The following SPAG16 variants were observed in gnomAD, a reference collection of about 807,000 sequenced individuals.
SPAG16 encodes sperm associated antigen 16.
A neutral mutation model predicts 80.4 loss-of-function variants in SPAG16; 86 were observed. The observed-to-expected ratio is 1.07, with a 90% confidence interval of 0.90 to 1.28. The LOEUF (loss-of-function observed/expected upper bound fraction) is 1.28, where lower values mean the gene tolerates loss of function less well. SPAG16 is among the 50% of genes most tolerant of loss of function. The pLI is 0.00. For synonymous variants in SPAG16, 294 were observed against 265.9 expected, an observed-to-expected ratio of 1.11 and a Z score of -1.03; for missense variants, 870 against 765.3, an observed-to-expected ratio of 1.14 and a Z score of -1.61.
intron 10 of SPAG16, among the ~76,000 whole-genome samples, chr2:213,587,055 C>T (rs1418192074): frequency 6.6e-6 from 1 of 152,138 alleles, no homozygotes; most frequent in Non-Finnish European, 1.5e-5. Context: ...TCTTAGCGCT[C>T]ATGGCTTTTC....
At chr2:214,296,542 C>T (rs1488839321) in intron 15 of SPAG16, among the ~76,000 whole-genome samples, 2 of 152,184 alleles carry the variant, frequency 1.3e-5, no homozygotes, top group African/African-American at 4.8e-5. Flanking sequence ...CACATCCACA[C>T]CAACATCTGT....
intron 15 of SPAG16, among the ~76,000 whole-genome samples, chr2:214,335,155 T>C (rs1359184814): frequency 1.3e-5 from 2 of 152,172 alleles, no homozygotes. Flanking sequence ...ATCAAGAATG[T>C]GACCAGGTCC....
At chr2:213,500,828 C>T (rs111389195) in intron 10 of SPAG16, among the ~76,000 whole-genome samples, 3,071 of 152,266 alleles carry the variant, frequency 0.02, 44 homozygotes, top group Middle Eastern at 0.051. Flanking sequence ...AAAAGGTGCC[C>T]GAGCAAGGAC....
chr2:214,130,211 G>GT (rs1358126404), intron 14 of SPAG16, among the ~76,000 whole-genome samples: 22 of 152,186 alleles, frequency 1.4e-4, no homozygotes, highest in African/African-American at 5.3e-4. Flanking sequence ...CTAGCAGCCG[G>GT]TGTGAGAGTT....
chr2:214,249,003 A>G (rs540882538), intron 15 of SPAG16, among the ~76,000 whole-genome samples: 27 of 152,154 alleles, frequency 1.8e-4, no homozygotes, highest in Admixed American at 1.3e-3. Context: ...CTAGTATGGC[A>G]GAGAAAGCAT....
chr2:214,319,429 A>T (rs1173964980), intron 15 of SPAG16, among the ~76,000 whole-genome samples: 1 of 151,880 alleles, frequency 6.6e-6, no homozygotes, highest in African/African-American at 2.4e-5. Context: ...AAGAGAAGAG[A>T]CTAGGGCAGA....
chr2:214,406,074 A>C (rs1342020338), intron 15 of SPAG16, among the ~76,000 whole-genome samples: 1 of 152,220 alleles, frequency 6.6e-6, no homozygotes, highest in Admixed American at 6.5e-5. Context: ...CAACAAGCAC[A>C]TATTAAGTAC....
intron 11 of SPAG16, among the ~76,000 whole-genome samples, chr2:213,869,796 C>T (rs905714163): frequency 2.0e-5 from 3 of 152,038 alleles, no homozygotes; most frequent in African/African-American, 7.2e-5. Context: ...TTAATTTTAG[C>T]TTTATACACA....
At chr2:213,921,362 T>G (rs1184201852) in intron 11 of SPAG16, among the ~76,000 whole-genome samples, 2 of 152,208 alleles carry the variant, frequency 1.3e-5, no homozygotes, top group African/African-American at 4.8e-5. Flanking sequence ...TTGTTGTTGT[T>G]GTTGTGGTGG....
chr2:213,442,372 A>G (rs2071025592), intron 9 of SPAG16, among the ~76,000 whole-genome samples: 2 of 152,214 alleles, frequency 1.3e-5, no homozygotes, highest in African/African-American at 4.8e-5. Flanking sequence ...GATTGATTGC[A>G]TTGCCAATCA....
chr2:213,745,641 G>T (rs1034823233), intron 10 of SPAG16, among the ~76,000 whole-genome samples: 6 of 152,034 alleles, frequency 3.9e-5, no homozygotes, highest in African/African-American at 1.4e-4. Context: ...TTCCAAAATT[G>T]TTATATTTAA....
At chr2:213,988,032 A>G (rs1012057983) in intron 12 of SPAG16, among the ~76,000 whole-genome samples, 1 of 151,798 alleles carries the variant, frequency 6.6e-6, no homozygotes, top group African/African-American at 2.4e-5. Flanking sequence ...GAAGTGGGAG[A>G]AAAAAGGGAT....
chr2:214,309,040 G>A (rs1275955351), intron 15 of SPAG16, among the ~76,000 whole-genome samples: 2 of 150,494 alleles, frequency 1.3e-5, no homozygotes, highest in Non-Finnish European at 3.0e-5. Flanking sequence ...TTGTACATTT[G>A]GTCTATTTAC....
chr2:213,693,354 C>A (rs186753827), intron 10 of SPAG16, among the ~76,000 whole-genome samples: 197 of 152,324 alleles, frequency 1.3e-3, no homozygotes, highest in Non-Finnish European at 2.5e-3. Flanking sequence ...GAACATTTAG[C>A]CTGACTTTGG....
intron 9 of SPAG16, 95 bp downstream of exon 9, chr2:213,375,214 G>T (rs2066827976): frequency 6.8e-6 from 6 of 883,052 alleles, no homozygotes; most frequent in Non-Finnish European, 1.0e-5. Flanking sequence ...ACCGGAAAAG[G>T]AATTTAGAGG....
chr2:213,405,452 A>T (rs561277735), intron 9 of SPAG16, among the ~76,000 whole-genome samples: 1 of 152,222 alleles, frequency 6.6e-6, no homozygotes, highest in African/African-American at 2.4e-5. Flanking sequence ...CATCACCTCA[A>T]ACATTTATCA....
rs1466287190 is a variant in SPAG16 at position 214,140,523 on chromosome 2, C to T, written c.1594-8617C>T. Among the ~76,000 whole-genome samples the T allele has an allele frequency of 3.3e-5, 5 of 152,040 alleles. No homozygotes were observed. The South Asian group carries it at 1.0e-3, about 32-fold the overall frequency. Reference sequence around the variant, plus strand: ...ATCTTTCCTTTTTTGCATTATCTATCATTCTGATGGACTTGTATTACAATC... The same window carrying T: ...ATCTTTCCTTTTTTGCATTATCTATTATTCTGATGGACTTGTATTACAATC... On this transcript the variant is annotated intron_variant, in intron 14 of 15. Coordinates refer to ENST00000331683, the MANE Select transcript of SPAG16 (RefSeq NM_024532.5).
intron 15 of SPAG16, among the ~76,000 whole-genome samples, chr2:214,242,148 A>G (rs1689541041): frequency 6.6e-6 from 1 of 152,152 alleles, no homozygotes; most frequent in African/African-American, 2.4e-5. Flanking sequence ...TTCTTATTTC[A>G]ACCTATTAGC....
chr2:213,650,399 G>A (rs563463638), intron 10 of SPAG16, among the ~76,000 whole-genome samples: 56 of 152,136 alleles, frequency 3.7e-4, no homozygotes, highest in African/African-American at 1.2e-3. Context: ...TCATTCTAAC[G>A]GTTACAAAGT....
Sources: allele counts gnomAD v4.1 joint callset (sites outside exome capture counted in the v4.1 genomes callset), GRCh38; gene constraint gnomAD v4.1.1; transcripts MANE v1.5; gene names NCBI Gene and HGNC (gene_info 2026-07-23, HGNC 2026-07-21).